AFMID: variants seen among roughly 807,000 people sequenced by gnomAD.
The protein encoded by AFMID is kynurenine formamidase.
In AFMID, 39 loss-of-function variants were observed where a neutral mutation model predicts 47.5. The observed-to-expected ratio is 0.82, with a 90% CI of 0.64 to 1.07. AFMID has a LOEUF of 1.07. AFMID is among the 50% of genes least tolerant of loss of function. The pLI is 0.00. For synonymous variants in AFMID, 130 were observed against 153.2 expected (o/e 0.85, Z 1.12); for missense variants, 375 against 387.5 (o/e 0.97, Z 0.27).
chr17:78,192,601 A>C (rs958589068), intron 2 of AFMID: 2 of 470,692 alleles, frequency 4.2e-6, no homozygotes, highest in African/African-American at 4.0e-5. Flanking sequence ...GGTATGAGCC[A>C]CCGTGCCTGG....
In AFMID at chr17:78,198,305, A is replaced by T. The variant is rs372531015; in HGVS notation, c.155-4194A>T. Among the ~76,000 whole-genome samples the T allele has an allele frequency of 3.3e-5, 5 of 152,022 alleles. No individual in the cohort carries two copies. The East Asian group carries it at 5.8e-4, about 18-fold the overall frequency. ...AAAACCCATCTTTACTAAAAATACA[A>T]AAATTCGCCTGGGCCAGATGCACTG... On this transcript the variant is annotated intron_variant, in intron 2 of 10. Transcript: ENST00000409257.
chr17:78,206,058 C>A lies in AFMID; in HGVS notation c.885+8C>A. On this transcript the variant is annotated splice_region_variant and intron_variant, in intron 10 of 10. Coordinates refer to ENST00000409257, the MANE Select transcript of AFMID (RefSeq NM_001010982.5). The stretch of plus-strand genomic sequence containing the variant: ...GACAACGTGCTCACCCAGGTGGGGC[C>A]TCATCCCTGGCAGCCCTTTCATGGT... 1 of 1,612,848 alleles carries A rather than the reference C, an allele frequency of 6.2e-7. No individual in the cohort carries two copies.
chr17:78,201,277 G>C (rs1463883327), intron 2 of AFMID, among the ~76,000 whole-genome samples: 2 of 147,416 alleles, frequency 1.4e-5, no homozygotes, highest in Non-Finnish European at 3.0e-5. Context: ...CTGGGTGACA[G>C]AGCAAGACTC....
At chr17:78,197,344 A>C (rs1179255356) in intron 2 of AFMID, 4 of 751,538 alleles carry the variant, frequency 5.3e-6, no homozygotes, top group Non-Finnish European at 8.5e-6. Context: ...TGCGTCCTAC[A>C]GATGCTTGCA....
intron 4 of AFMID, among the ~76,000 whole-genome samples, 149 bp from the exon 5 acceptor site, chr17:78,204,503 GGAGA>G (rs780250201): frequency 6.6e-6 from 1 of 152,186 alleles, no homozygotes; most frequent in Admixed American, 6.6e-5. Flanking sequence ...GATGTGGCAG[GGAGA>G]GAGCCTGTCC....
chr17:78,187,437 GGT>G lies in AFMID; in HGVS notation c.63+6_63+7del, dbSNP rs2075823981. The G allele has an allele frequency of 6.2e-7, 1 of 1,613,946 alleles. No homozygotes were observed. The highest frequency in any genetic ancestry group is 8.5e-7 in the Non-Finnish European group (1 of 1,179,938). On this transcript the variant is annotated splice_donor_5th_base_variant and intron_variant, in intron 1 of 10. Transcript: ENST00000409257. ...TTGGAAGAAGATGTCTGCAGAGGTA[GGT>G]GGATTGCAGGGAGGGACTAAGGGGC...
At chr17:78,205,886 G>A in intron 9 of AFMID, 60 bp from the exon 10 acceptor site, 1 of 1,594,626 alleles carries the variant, frequency 6.3e-7, no homozygotes, top group Non-Finnish European at 8.6e-7. Flanking sequence ...ATGGCCCCAT[G>A]TCCTGCCCCA....
intron 2 of AFMID, among the ~76,000 whole-genome samples, chr17:78,198,133 G>A (rs1377550841): frequency 6.6e-6 from 1 of 152,164 alleles, no homozygotes; most frequent in East Asian, 1.9e-4. Flanking sequence ...GGTGGCAGAG[G>A]TGGGAAGCTT....
rs766283790 is a variant in AFMID, at chr17:78,205,627, C to T, written c.669C>T (p.Pro223=). The change falls in exon 9 of 11, where the codon CCC becomes CCT. Residue 223 remains proline (P), a synonymous_variant. Coordinates refer to ENST00000409257, the MANE Select transcript of AFMID (RefSeq NM_001010982.5). ...GGGAGGACGCTCAGAGGAATAGCCC[C>T]CAGCTGAAGGTGGCCCAGGCACAGC... ...LTLEDAQRNS[P]QLKVAQAQPV... 2 of 1,613,864 alleles carry T rather than the reference C, an allele frequency of 1.2e-6. No homozygotes were observed. The highest frequency in any genetic ancestry group is 2.2e-5 in the East Asian group (1 of 44,862).
intron 2 of AFMID, among the ~76,000 whole-genome samples, chr17:78,194,971 G>A (rs1351740907): frequency 2.0e-5 from 3 of 152,106 alleles, no homozygotes; most frequent in Admixed American, 1.3e-4. Context: ...TGGGATTACA[G>A]GCGTGAGCCA....
chr17:78,206,811 C>A, intron 10 of AFMID, 100 bp from the exon 11 acceptor site: 1 of 1,350,918 alleles, frequency 7.4e-7, no homozygotes, highest in Non-Finnish European at 1.1e-6. Context: ...GGGTTGCAGA[C>A]GTGAGCCACT....
intron 7 of AFMID, 59 bp from the exon 8 acceptor site, chr17:78,205,381 G>A: frequency 6.3e-7 from 1 of 1,589,626 alleles, no homozygotes; most frequent in Non-Finnish European, 8.6e-7. Context: ...GTGGGGGTGG[G>A]CTGGCCCTGC....
chr17:78,187,567 G>T, intron 1 of AFMID, 134 bp downstream of exon 1: 1 of 837,404 alleles, frequency 1.2e-6, no homozygotes, highest in Non-Finnish European at 1.9e-6. Context: ...GTGCGTGCCA[G>T]GTCCCCAGTG....
In AFMID at chr17:78,191,140, G is replaced by A. The variant is rs577101527; in HGVS notation, c.154+80G>A. ...GATTCAGAATGCTGGGGGTTGGGGG[G>A]GCTGTGCTGCACCACCTGGGCCTCG... On this transcript the variant is annotated intron_variant, in intron 2 of 10. Transcript: ENST00000409257. The A allele has an allele frequency of 1.7e-4, 218 of 1,292,042 alleles. 1 individual carries two copies. The Middle Eastern group carries it at 2.4e-3, about 14-fold the overall frequency. The allele number at this position is 1,292,042 out of a possible 1,614,324, so 80.0% of individuals were successfully genotyped here. A position where few individuals can be genotyped will look rare whatever the true frequency, so the allele number is the denominator to read the frequency against.
At chr17:78,198,808 C>CA (rs1021799170) in intron 2 of AFMID, among the ~76,000 whole-genome samples, 12 of 150,050 alleles carry the variant, frequency 8.0e-5, no homozygotes, top group African/African-American at 1.8e-4. Context: ...GCCTCTGTCT[C>CA]AAAAAAACAA....
chr17:78,199,272 A>G (rs886191547), intron 2 of AFMID, among the ~76,000 whole-genome samples: 1 of 152,140 alleles, frequency 6.6e-6, no homozygotes, highest in East Asian at 1.9e-4. Flanking sequence ...CATAGACGCA[A>G]TTCGTACAAG....
intron 4 of AFMID, among the ~76,000 whole-genome samples, chr17:78,204,278 A>G (rs2076319177): frequency 6.6e-6 from 1 of 151,884 alleles, no homozygotes; most frequent in Non-Finnish European, 1.5e-5. Flanking sequence ...CCCCATCTCT[A>G]CAAAAGAAAA....
intron 6 of AFMID, 76 bp from the exon 7 acceptor site, chr17:78,205,017 T>A (rs748813793): frequency 6.4e-7 from 1 of 1,565,276 alleles, no homozygotes; most frequent in South Asian, 1.1e-5. Context: ...GAAAGCAAAT[T>A]GGGACTCTTC....
Position 78,202,722 on chromosome 17 carries a change from C to A in AFMID, c.279C>A (p.Phe93Leu). 2 of 1,559,526 alleles carry A rather than the reference C, an allele frequency of 1.3e-6. No homozygotes were observed. The highest frequency in any genetic ancestry group is 1.7e-6 in the Non-Finnish European group (2 of 1,151,300). ...TTGCAGCCTTGCCTTTCTTCCTGTT[C>A]TTTCACGGAGGATACTGGCAGAGCG... ...ESSEALPFFLFFHGGYWQSGS... is the reference protein window; with the variant it reads ...ESSEALPFFLLFHGGYWQSGS... The change falls in exon 4 of 11, where the codon TTC (phenylalanine) becomes TTA (leucine). Residue 93 changes from phenylalanine to leucine, a missense_variant. Phe to Leu is a conservative substitution (Grantham distance 22). Transcript: ENST00000409257.
Sources: allele counts gnomAD v4.1 joint callset (sites outside exome capture counted in the v4.1 genomes callset), GRCh38; gene constraint gnomAD v4.1.1; transcripts MANE v1.5; gene names NCBI Gene and HGNC (gene_info 2026-07-23, HGNC 2026-07-21).